Variants in AUTS2 observed in about 807,000 individuals in gnomAD.
AUTS2 encodes the protein autism susceptibility gene 2 protein.
Under a neutral mutation model 112.4 loss-of-function variants are expected in AUTS2, and 17 were observed. The ratio of observed to expected loss-of-function variants is 0.15; its 90% CI spans 0.10 to 0.23. AUTS2 has a LOEUF of 0.23. AUTS2 is among the 10% of genes least tolerant of loss of function. AUTS2 has a pLI of 1.00. For missense variants in AUTS2, 1,510 were observed against 1,701.6 expected (o/e 0.89, Z 1.98); for synonymous variants, 751 against 702.7 (o/e 1.07, Z -1.09).
intron 2 of AUTS2, among the ~76,000 whole-genome samples, chr7:70,041,122 A>G (rs963728562): frequency 2.0e-5 from 3 of 152,190 alleles, no homozygotes; most frequent in Admixed American, 2.0e-4. Flanking sequence ...TAGTGATAAA[A>G]CTGCAAGAAT....
chr7:70,109,810 T>C (rs1393032589), intron 2 of AUTS2, among the ~76,000 whole-genome samples: 1 of 152,184 alleles, frequency 6.6e-6, no homozygotes, highest in Non-Finnish European at 1.5e-5. Flanking sequence ...CTTGAATCCG[T>C]CCCTCAGGTT....
intron 2 of AUTS2, among the ~76,000 whole-genome samples, chr7:70,026,658 G>A (rs1371174767): frequency 6.6e-6 from 1 of 152,222 alleles, no homozygotes; most frequent in Non-Finnish European, 1.5e-5. Context: ...TTAGATGACT[G>A]TGTGAATCTT....
chr7:70,752,591 T>C (rs1788937112), intron 6 of AUTS2, among the ~76,000 whole-genome samples: 1 of 152,212 alleles, frequency 6.6e-6, no homozygotes, highest in Non-Finnish European at 1.5e-5. Flanking sequence ...GTTCTTTGAC[T>C]ACCATTTCCC....
At chr7:69,860,976 C>T (rs1315754699) in intron 1 of AUTS2, among the ~76,000 whole-genome samples, 1 of 152,132 alleles carries the variant, frequency 6.6e-6, no homozygotes, top group Non-Finnish European at 1.5e-5. Flanking sequence ...ACATGGCACT[C>T]AAAACCTGGG....
chr7:69,693,586 TG>T (rs1389997905), intron 1 of AUTS2, among the ~76,000 whole-genome samples: 1 of 152,242 alleles, frequency 6.6e-6, no homozygotes, highest in Non-Finnish European at 1.5e-5. Flanking sequence ...TGCATTTTCA[TG>T]TGCTCATTCA....
At chr7:70,783,280 C>T (rs1791211202) in intron 15 of AUTS2, 1 of 152,204 alleles carries the variant, frequency 6.6e-6, no homozygotes, top group Non-Finnish European at 1.5e-5. Flanking sequence ...ATCATTTTTA[C>T]ACTTCCCAGG....
intron 6 of AUTS2, among the ~76,000 whole-genome samples, chr7:70,726,026 A>AC (rs1204260782): frequency 6.6e-6 from 1 of 151,912 alleles, no homozygotes; most frequent in Non-Finnish European, 1.5e-5. Context: ...CATTTCAAAA[A>AC]AAAAAAAAAA....
chr7:70,651,747 GTT>G (rs1806519746), intron 5 of AUTS2, among the ~76,000 whole-genome samples: 1 of 152,192 alleles, frequency 6.6e-6, no homozygotes, highest in Non-Finnish European at 1.5e-5. Context: ...CCATCTGTAT[GTT>G]GATTTAGCTG....
chr7:70,132,672 TA>T (rs1806340269), intron 3 of AUTS2, among the ~76,000 whole-genome samples: 2 of 152,050 alleles, frequency 1.3e-5, no homozygotes, highest in Admixed American at 1.3e-4. Flanking sequence ...GCTCCCTGAG[TA>T]ATGTACAATA....
intron 1 of AUTS2, among the ~76,000 whole-genome samples, chr7:69,887,919 A>G (rs1161584662): frequency 2.0e-5 from 3 of 152,088 alleles, no homozygotes; most frequent in Non-Finnish European, 2.9e-5. Flanking sequence ...ATTTCTAGGC[A>G]TCTGTTCATC....
intron 2 of AUTS2, among the ~76,000 whole-genome samples, chr7:69,948,515 A>G (rs1355633830): frequency 6.6e-6 from 1 of 152,200 alleles, no homozygotes; most frequent in Non-Finnish European, 1.5e-5. Flanking sequence ...ATGCTTTAAA[A>G]GTTTCCCCAC....
intron 1 of AUTS2, among the ~76,000 whole-genome samples, chr7:69,881,794 C>A (rs1206478315): frequency 1.3e-5 from 2 of 152,144 alleles, no homozygotes; most frequent in African/African-American, 4.8e-5. Context: ...AATGCTGGAA[C>A]TTTATATGGT....
intron 1 of AUTS2, among the ~76,000 whole-genome samples, chr7:69,654,422 T>C (rs539006648): frequency 9.2e-5 from 14 of 152,330 alleles, no homozygotes; most frequent in Non-Finnish European, 1.8e-4. Context: ...CTAAACCTTA[T>C]TGAGTACTTA....
intron 5 of AUTS2, among the ~76,000 whole-genome samples, chr7:70,536,768 C>G (rs113349319): frequency 6.6e-6 from 1 of 151,790 alleles, no homozygotes; most frequent in Non-Finnish European, 1.5e-5. Flanking sequence ...GGCGAGTTGG[C>G]GCATGCTTGT....
In AUTS2 at chr7:70,676,847, A is replaced by G. The variant is rs558565238; in HGVS notation, c.691-21722A>G. On this transcript the variant is annotated intron_variant, in intron 5 of 18. Transcript: ENST00000342771. Reference sequence around the variant, plus strand: ...AGCTGAGATTATGCCATTGCACTCCAGCCTGGGCGACAAGAGTGAGATTCC... The same window carrying G: ...AGCTGAGATTATGCCATTGCACTCCGGCCTGGGCGACAAGAGTGAGATTCC... Among the ~76,000 whole-genome samples the G allele has an allele frequency of 2.6e-5, 4 of 151,998 alleles. No individual in the cohort carries two copies. In the South Asian group the frequency reaches 8.4e-4, roughly 32 times the overall value.
At chr7:69,716,642 C>T (rs778960162) in intron 1 of AUTS2, among the ~76,000 whole-genome samples, 5 of 152,006 alleles carry the variant, frequency 3.3e-5, no homozygotes, top group Admixed American at 2.0e-4. Context: ...ATACTGTCTA[C>T]CTGGAGATAG....
chr7:70,734,178 G>A (rs1365945499), intron 6 of AUTS2, among the ~76,000 whole-genome samples: 1 of 151,764 alleles, frequency 6.6e-6, no homozygotes. Context: ...GGTGGCTCAC[G>A]CCTGTAATCC....
At chr7:70,004,312 T>C (rs902632338) in intron 2 of AUTS2, among the ~76,000 whole-genome samples, 3 of 136,068 alleles carry the variant, frequency 2.2e-5, no homozygotes, top group Non-Finnish European at 4.6e-5. Flanking sequence ...TGTGACTATA[T>C]ATTATATATA....
intron 2 of AUTS2, among the ~76,000 whole-genome samples, chr7:70,046,515 C>T (rs1202953174): frequency 6.6e-6 from 1 of 152,142 alleles, no homozygotes; most frequent in African/African-American, 2.4e-5. Context: ...ACTCTATTCT[C>T]AAGCAAATGG....
Sources: gnomAD v4.1 joint callset for allele counts (sites outside exome capture counted in the v4.1 genomes callset) on GRCh38, gnomAD v4.1.1 for gene constraint, MANE v1.5 for transcripts, NCBI Gene and HGNC (gene_info 2026-07-23, HGNC 2026-07-21) for gene names.